The following TANC2 variants were observed in gnomAD, a reference collection of about 807,000 sequenced individuals.
TANC2 encodes the protein protein TANC2.
Under a neutral mutation model 210.5 loss-of-function variants are expected in TANC2, and 26 were observed. That is an observed-to-expected ratio of 0.12 (90% CI 0.09 to 0.17). TANC2 has a LOEUF of 0.17. Ranked by LOEUF, TANC2 falls within the 10% of genes least tolerant of loss-of-function variation. The probability of loss-of-function intolerance (pLI) is 1.00; values close to 1 mark genes in which losing one functional copy is unlikely to be tolerated. For synonymous variants in TANC2, 931 were observed against 967.1 expected (o/e 0.96, Z 0.69); for missense variants, 2,129 against 2,608.9 (o/e 0.82, Z 4.01).
At chr17:63,076,317 G>A (rs2036570571) in intron 3 of TANC2, among the ~76,000 whole-genome samples, 1 of 152,102 alleles carries the variant, frequency 6.6e-6, no homozygotes, top group Non-Finnish European at 1.5e-5. Flanking sequence ...TGGGAGAATT[G>A]GACCTTAGAT....
At chr17:62,971,655 G>T (rs918721364) in intron 1 of TANC2, among the ~76,000 whole-genome samples, 5 of 152,168 alleles carry the variant, frequency 3.3e-5, no homozygotes, top group Non-Finnish European at 5.9e-5. Context: ...TAGAGCAGGG[G>T]TCTCTAACCC....
intron 7 of TANC2, among the ~76,000 whole-genome samples, chr17:63,217,674 C>T (rs1417769318): frequency 6.6e-6 from 1 of 152,108 alleles, no homozygotes; most frequent in African/African-American, 2.4e-5. Flanking sequence ...AAGAGTGATA[C>T]CATTTCTACA....
chr17:63,299,207 A>G (rs2044631499), intron 9 of TANC2, among the ~76,000 whole-genome samples: 1 of 152,124 alleles, frequency 6.6e-6, no homozygotes, highest in Non-Finnish European at 1.5e-5. Flanking sequence ...TGTCTTTGCT[A>G]TTGTAAATAG....
At chr17:63,101,027 A>G (rs192282448) in intron 4 of TANC2, among the ~76,000 whole-genome samples, 26 of 152,320 alleles carry the variant, frequency 1.7e-4, no homozygotes, top group Admixed American at 1.4e-3. Context: ...TTGGAAGAAA[A>G]CAACTTTACT....
At chr17:63,279,798 A>G (rs2044005687) in intron 9 of TANC2, among the ~76,000 whole-genome samples, 1 of 152,048 alleles carries the variant, frequency 6.6e-6, no homozygotes, top group Non-Finnish European at 1.5e-5. Context: ...CCCATTTTTA[A>G]CTTTTATTCC....
At chr17:63,237,325 A>T (rs980420996) in intron 7 of TANC2, among the ~76,000 whole-genome samples, 1 of 151,604 alleles carries the variant, frequency 6.6e-6, no homozygotes, top group African/African-American at 2.4e-5. Context: ...TTATTTGTGA[A>T]GTTTTTGTTG....
intron 1 of TANC2, among the ~76,000 whole-genome samples, chr17:62,969,703 G>T (rs1019069237): frequency 6.6e-6 from 1 of 151,456 alleles, no homozygotes; most frequent in South Asian, 2.1e-4. Context: ...GTGTGTGTGT[G>T]TGTGTGTGTA....
chr17:63,127,830 TAGAAG>T (rs1408063904), intron 4 of TANC2, among the ~76,000 whole-genome samples: 8 of 152,328 alleles, frequency 5.3e-5, no homozygotes, highest in South Asian at 4.1e-4. Context: ...CTCTACCAGT[TAGAAG>T]AGAAGATTTC....
chr17:63,216,846 C>T (rs2042040085), intron 7 of TANC2, among the ~76,000 whole-genome samples: 1 of 152,074 alleles, frequency 6.6e-6, no homozygotes, highest in Non-Finnish European at 1.5e-5. Flanking sequence ...AGACAAGTCT[C>T]AATAAACTTA....
At chr17:63,373,705 G>A (rs72841392) in intron 14 of TANC2, among the ~76,000 whole-genome samples, 24,875 of 152,122 alleles carry the variant, frequency 0.16, 2,628 homozygotes, top group Non-Finnish European at 0.24. Flanking sequence ...ATTTTTCTGG[G>A]TGCAGTGACT....
intron 5 of TANC2, among the ~76,000 whole-genome samples, chr17:63,176,722 C>G (rs570879528): frequency 6.7e-6 from 1 of 150,366 alleles, no homozygotes; most frequent in Non-Finnish European, 1.5e-5. Flanking sequence ...AGGAGAATGG[C>G]CTGAACCCGG....
intron 5 of TANC2, among the ~76,000 whole-genome samples, chr17:63,173,893 G>A (rs1249889268): frequency 6.6e-6 from 1 of 152,100 alleles, no homozygotes; most frequent in Non-Finnish European, 1.5e-5. Flanking sequence ...GAGAACAATA[G>A]CATAGCACCG....
In TANC2 at chr17:63,301,930, C is replaced by T. The variant is rs150357144; in HGVS notation, c.1160-12458C>T. Among the ~76,000 whole-genome samples, 77 of 152,236 alleles carry T rather than the reference C, an allele frequency of 5.1e-4. 1 individual carries two copies. In the East Asian group the frequency reaches 0.014, roughly 27 times the overall value. On this transcript the variant is annotated intron_variant, in intron 9 of 27. Transcript: ENST00000689528. ...GTGGGCATTTAGTGCTATAAATTTC[C>T]CTCTTAACACTGCTTTTGCTGTGTC...
At chr17:63,008,023 T>C (rs1473951631) in intron 1 of TANC2, among the ~76,000 whole-genome samples, 1 of 151,480 alleles carries the variant, frequency 6.6e-6, no homozygotes, top group African/African-American at 2.4e-5. Context: ...TTTAAGTCAT[T>C]ATTTTTTGCT....
At chr17:63,378,111 C>T (rs990091151) in intron 14 of TANC2, among the ~76,000 whole-genome samples, 3 of 152,006 alleles carry the variant, frequency 2.0e-5, no homozygotes, top group East Asian at 1.9e-4. Context: ...CATAGAGAGA[C>T]GGTTCTAAGT....
At chr17:63,212,195 C>G (rs2145876144) in intron 7 of TANC2, among the ~76,000 whole-genome samples, 1 of 152,172 alleles carries the variant, frequency 6.6e-6, no homozygotes, top group Middle Eastern at 3.4e-3. Flanking sequence ...CATTTTTTGG[C>G]AGTGCTTAGA....
chr17:63,387,679 T>C (rs2047828944), intron 15 of TANC2, among the ~76,000 whole-genome samples: 1 of 152,232 alleles, frequency 6.6e-6, no homozygotes, highest in African/African-American at 2.4e-5. Flanking sequence ...GATCCAGATA[T>C]TGACAGAAGA....
intron 9 of TANC2, among the ~76,000 whole-genome samples, chr17:63,303,664 C>G (rs968284808): frequency 3.9e-5 from 6 of 152,056 alleles, no homozygotes; most frequent in South Asian, 2.1e-4. Context: ...TGTGGAGATT[C>G]TCCTGGATAA....
intron 1 of TANC2, among the ~76,000 whole-genome samples, chr17:62,968,017 C>T (rs1032206306): frequency 3.9e-5 from 6 of 152,054 alleles, no homozygotes; most frequent in Admixed American, 2.0e-4. Context: ...ATTTATGTCT[C>T]TATATAGATA....
Sources: allele counts gnomAD v4.1 joint callset (sites outside exome capture counted in the v4.1 genomes callset), GRCh38; gene constraint gnomAD v4.1.1; transcripts MANE v1.5; gene names NCBI Gene and HGNC (gene_info 2026-07-23, HGNC 2026-07-21).